Variants in NLRP11 observed in about 807,000 individuals in gnomAD.
The protein encoded by NLRP11 is NLR family pyrin domain containing 11.
Under a neutral mutation model 79.3 loss-of-function variants are expected in NLRP11, and 53 were observed. The observed-to-expected ratio is 0.67, with a 90% confidence interval of 0.54 to 0.84. NLRP11 has a LOEUF of 0.84. Among genes scored for constraint, NLRP11 ranks in the 40% least tolerant of loss-of-function variants. NLRP11 has a pLI of 0.00. For missense variants in NLRP11, 1,264 were observed against 1,255.0 expected, an observed-to-expected ratio of 1.01 and a Z score of -0.11; for synonymous variants, 518 against 462.6, an observed-to-expected ratio of 1.12 and a Z score of -1.54.
At chr19:55,795,966 C>T in intron 6 of NLRP11, 114 bp downstream of exon 6, 2 of 926,044 alleles carry the variant, frequency 2.2e-6, no homozygotes, top group South Asian at 1.6e-5. Flanking sequence ...AAAGACTGTG[C>T]TTTCGGCTGC....
At chr19:55,810,374 A>G (rs752332014) in intron 2 of NLRP11, 36 bp from the exon 3 acceptor site, 1 of 1,541,706 alleles carries the variant, frequency 6.5e-7, no homozygotes, top group Admixed American at 2.1e-5. Context: ...AATACAGAAC[A>G]AAGATGAAAG....
chr19:55,789,159 C>T, intron 8 of NLRP11, 70 bp downstream of exon 8: 1 of 1,487,736 alleles, frequency 6.7e-7, no homozygotes, highest in African/African-American at 1.4e-5. Context: ...TTTCCCAATC[C>T]ACTTCCTCTT....
chr19:55,792,248 A>G, intron 7 of NLRP11, 53 bp downstream of exon 7: 1 of 1,516,882 alleles, frequency 6.6e-7, no homozygotes, highest in Non-Finnish European at 9.1e-7. Context: ...CCCACCACCC[A>G]AGCCCTCATG....
intron 1 of NLRP11, among the ~76,000 whole-genome samples, chr19:55,829,136 G>C (rs1982503645): frequency 6.6e-6 from 1 of 151,856 alleles, no homozygotes; most frequent in African/African-American, 2.4e-5. Context: ...ACAGTGTTTT[G>C]CCTTTTGAGA....
intron 1 of NLRP11, among the ~76,000 whole-genome samples, chr19:55,822,182 T>A (rs1981809235): frequency 6.6e-6 from 1 of 152,130 alleles, no homozygotes; most frequent in Non-Finnish European, 1.5e-5. Context: ...GAGAATCACT[T>A]GAACCTGGGA....
chr19:55,797,545 T>A (rs1979045137), intron 5 of NLRP11, among the ~76,000 whole-genome samples: 1 of 152,186 alleles, frequency 6.6e-6, no homozygotes, highest in Admixed American at 6.5e-5. Flanking sequence ...CAGGGCTGAA[T>A]GTATCATGTG....
intron 5 of NLRP11, among the ~76,000 whole-genome samples, chr19:55,797,052 C>T (rs2122750612): frequency 6.6e-6 from 1 of 152,312 alleles, no homozygotes; most frequent in African/African-American, 2.4e-5. Context: ...CCCTCAAGTC[C>T]ACAAGCATAT....
chr19:55,807,039 A>G (rs943837621), intron 4 of NLRP11, among the ~76,000 whole-genome samples: 4 of 152,156 alleles, frequency 2.6e-5, no homozygotes, highest in Non-Finnish European at 5.9e-5. Flanking sequence ...TAACACCATT[A>G]TCCTAAAATA....
At chr19:55,811,599 G>C (rs1313781483) in intron 2 of NLRP11, among the ~76,000 whole-genome samples, 1 of 152,130 alleles carries the variant, frequency 6.6e-6, no homozygotes, top group Non-Finnish European at 1.5e-5. Context: ...GGGCTGCCTA[G>C]TTCCGACCTA....
upstream of NLRP11, among the ~76,000 whole-genome samples, chr19:55,835,394 C>T (rs1430234138): frequency 1.3e-5 from 2 of 152,240 alleles, no homozygotes; most frequent in Non-Finnish European, 2.9e-5. Context: ...AGACAGTAGC[C>T]GATATCCATT....
At chr19:55,818,883 C>A (rs34524763) in intron 1 of NLRP11, among the ~76,000 whole-genome samples, 1 of 151,938 alleles carries the variant, frequency 6.6e-6, no homozygotes, top group Non-Finnish European at 1.5e-5. Flanking sequence ...AATCTGTTAG[C>A]GCATAAAGCC....
chr19:55,820,652 G>A (rs535802802), intron 1 of NLRP11, among the ~76,000 whole-genome samples: 2 of 151,970 alleles, frequency 1.3e-5, no homozygotes, highest in South Asian at 2.1e-4. Context: ...GAAATCTTTC[G>A]AAAACTTAGT....
chr19:55,795,418 A>G (rs1299103171), intron 6 of NLRP11, among the ~76,000 whole-genome samples: 1 of 152,152 alleles, frequency 6.6e-6, no homozygotes, highest in East Asian at 1.9e-4. Context: ...AGAACAATAT[A>G]GGTTCCCTGC....
chr19:55,802,839 T>C (rs112542089), intron 4 of NLRP11, among the ~76,000 whole-genome samples: 73 of 152,018 alleles, frequency 4.8e-4, no homozygotes, highest in African/African-American at 1.5e-3. Context: ...CAGAACAGAA[T>C]AGAGAACCCA....
intron 1 of NLRP11, among the ~76,000 whole-genome samples, chr19:55,829,200 ATTTT>A (rs59415251): frequency 0.089 from 13,186 of 147,908 alleles, 855 homozygotes; most frequent in East Asian, 0.23. Flanking sequence ...ACAATATTGC[ATTTT>A]TTTTTTTTTT....
At chr19:55,802,550 G>A (rs1269205097) in intron 4 of NLRP11, among the ~76,000 whole-genome samples, 1 of 152,162 alleles carries the variant, frequency 6.6e-6, no homozygotes, top group African/African-American at 2.4e-5. Flanking sequence ...CATGCTCATG[G>A]AGAGAAGAAT....
chr19:55,790,771 G>T (rs376098086), intron 7 of NLRP11, among the ~76,000 whole-genome samples: 1 of 152,124 alleles, frequency 6.6e-6, no homozygotes, highest in Non-Finnish European at 1.5e-5. Context: ...AGACTGGCCC[G>T]GGCAATATAG....
chr19:55,834,662 C>A (rs980027115), upstream of NLRP11, among the ~76,000 whole-genome samples: 1 of 152,172 alleles, frequency 6.6e-6, no homozygotes, highest in East Asian at 1.9e-4. Context: ...CAAGAAGGTT[C>A]AAAACAGCAT....
chr19:55,811,093 C>A (rs1330090042), intron 2 of NLRP11, among the ~76,000 whole-genome samples: 2 of 152,178 alleles, frequency 1.3e-5, no homozygotes, highest in Admixed American at 6.5e-5. Flanking sequence ...TCATGAGTTA[C>A]ACGTTCATCT....
Sources: gnomAD v4.1 joint callset for allele counts (sites outside exome capture counted in the v4.1 genomes callset) on GRCh38, gnomAD v4.1.1 for gene constraint, MANE v1.5 for transcripts, NCBI Gene and HGNC (gene_info 2026-07-23, HGNC 2026-07-21) for gene names.